PTPRG: variants seen among roughly 807,000 people sequenced by gnomAD.
The protein encoded by PTPRG is protein tyrosine phosphatase receptor type G, also known as receptor-type tyrosine-protein phosphatase gamma.
Under a neutral mutation model 165.3 loss-of-function variants are expected in PTPRG, and 102 were observed. That is an observed-to-expected ratio of 0.62 (90% CI 0.53 to 0.73). The LOEUF is 0.73. Among genes scored for constraint, PTPRG ranks in the 30% least tolerant of loss-of-function variants. The probability of loss-of-function intolerance (pLI) is 0.00; values close to 1 mark genes in which losing one functional copy is unlikely to be tolerated. For missense variants in PTPRG, 1,866 were observed against 1,861.4 expected (o/e 1.00, Z -0.05); for synonymous variants, 675 against 669.5 (o/e 1.01, Z -0.13).
At chr3:61,909,065 TG>T (rs1324636879) in intron 2 of PTPRG, among the ~76,000 whole-genome samples, 1 of 152,230 alleles carries the variant, frequency 6.6e-6, no homozygotes, top group African/African-American at 2.4e-5. Context: ...TTCTGATAAC[TG>T]GGTACTTTTA....
intron 9 of PTPRG, among the ~76,000 whole-genome samples, chr3:62,193,618 C>A (rs941545623): frequency 6.6e-6 from 1 of 152,244 alleles, no homozygotes; most frequent in African/African-American, 2.4e-5. Context: ...TCACCACAAA[C>A]CTGTGGGCAG....
chr3:61,961,409 C>A (rs750088517), intron 2 of PTPRG, among the ~76,000 whole-genome samples: 1 of 152,128 alleles, frequency 6.6e-6, no homozygotes, highest in Non-Finnish European at 1.5e-5. Flanking sequence ...TCTTAAAATT[C>A]GGACTTAATT....
rs550732272 is a variant in PTPRG at position 62,035,505 on chromosome 3, C to T, written c.519+32008C>T. 3.3e-5 allele frequency among the ~76,000 whole-genome samples: 5 copies of T among 152,248 alleles called. No homozygotes were observed. In the East Asian group the frequency reaches 9.7e-4, roughly 29 times the overall value. ...TTTTCTCATTTATTTGCTTTTGGTC[C>T]TGTCTTCACTATCTCCTATTTAAGA... On this transcript the variant is annotated intron_variant, in intron 4 of 29. Coordinates refer to ENST00000474889, the MANE Select transcript of PTPRG (RefSeq NM_002841.4).
intron 2 of PTPRG, among the ~76,000 whole-genome samples, chr3:61,897,063 C>T (rs1192976307): frequency 1.3e-5 from 2 of 151,590 alleles, no homozygotes; most frequent in Non-Finnish European, 2.9e-5. Flanking sequence ...TATGAGCTTT[C>T]TTGGCAGAAA....
intron 5 of PTPRG, among the ~76,000 whole-genome samples, chr3:62,105,715 T>A (rs1245167825): frequency 6.6e-6 from 1 of 152,210 alleles, no homozygotes; most frequent in African/African-American, 2.4e-5. Flanking sequence ...TCTGGGCAGT[T>A]GAGGTTCTAC....
At chr3:62,074,267 A>G (rs1701305166) in intron 4 of PTPRG, among the ~76,000 whole-genome samples, 1 of 151,494 alleles carries the variant, frequency 6.6e-6, no homozygotes, top group African/African-American at 2.4e-5. Context: ...TACTGGGTAA[A>G]GGAGATAGGG....
chr3:61,985,310 C>A (rs2040732512), intron 2 of PTPRG, among the ~76,000 whole-genome samples: 1 of 152,158 alleles, frequency 6.6e-6, no homozygotes, highest in Non-Finnish European at 1.5e-5. Flanking sequence ...CCTCCTCTCC[C>A]TTTGCATGCC....
rs150520574 is a variant in PTPRG at position 62,192,712 on chromosome 3, A to C, written c.1218+1059A>C. On this transcript the variant is annotated intron_variant, in intron 9 of 29. Coordinates refer to ENST00000474889, the MANE Select transcript of PTPRG (RefSeq NM_002841.4). Reference sequence around the variant, plus strand: ...AGGCGTGAGCCACTGCGCCCAGCCTACAACTTCTGTCTTTAAGTCTTTGCC... The same window carrying C: ...AGGCGTGAGCCACTGCGCCCAGCCTCCAACTTCTGTCTTTAAGTCTTTGCC... Among the ~76,000 whole-genome samples the C allele has an allele frequency of 9.2e-3, 1,404 of 152,196 alleles. 6 individuals are homozygous for C. The highest frequency in any genetic ancestry group is 0.031 in the Middle Eastern group (9 of 294).
intron 18 of PTPRG, 60 bp downstream of exon 18, chr3:62,267,552 G>C: frequency 6.5e-7 from 1 of 1,538,340 alleles, no homozygotes; most frequent in Non-Finnish European, 8.9e-7. Context: ...AGCAGAAACT[G>C]TTTAATATAT....
At chr3:61,728,609 G>T (rs1193648831) in intron 1 of PTPRG, among the ~76,000 whole-genome samples, 1 of 151,912 alleles carries the variant, frequency 6.6e-6, no homozygotes, top group Non-Finnish European at 1.5e-5. Context: ...AAAAGAAAAA[G>T]ATTTAAAAAT....
At chr3:61,736,569 G>A (rs559152876) in intron 1 of PTPRG, among the ~76,000 whole-genome samples, 16 of 152,028 alleles carry the variant, frequency 1.1e-4, no homozygotes, top group African/African-American at 3.1e-4. Context: ...CTAAAAACAC[G>A]TTCATTAGGC....
intron 12 of PTPRG, among the ~76,000 whole-genome samples, chr3:62,206,959 C>G (rs1341855413): frequency 7.4e-6 from 1 of 135,176 alleles, no homozygotes; most frequent in Non-Finnish European, 1.6e-5. Flanking sequence ...CCTCCTGAAA[C>G]TCAACACTGG....
intron 5 of PTPRG, among the ~76,000 whole-genome samples, chr3:62,126,050 A>C (rs954850706): frequency 6.6e-6 from 1 of 152,162 alleles, no homozygotes; most frequent in African/African-American, 2.4e-5. Flanking sequence ...GAGAGAATCC[A>C]AAGTTTGATC....
Position 62,269,043 on chromosome 3 carries a change from T to G in PTPRG, c.2883T>G (p.Cys961Trp). ...CTTTTTTCTTTCTGCAGCGAAAATG[T>G]GATCAGTATTGGCCAACAGAGAACA... ...TNLVEKGRRK[C>W]DQYWPTENSE... The change falls in exon 20 of 30, where the codon TGT (cysteine) becomes TGG (tryptophan). Residue 961 changes from cysteine (C) to tryptophan (W), a missense_variant. Cys to Trp is a radical substitution (Grantham distance 215). Around this residue, in one of 3 missense-constraint regions of PTPRG, gnomAD observed 1,452 missense variants for 1,463.0 expected, o/e 0.99. Transcript: ENST00000474889. 6.4e-7 allele frequency: 1 copy of G among 1,551,290 alleles called. No homozygotes were observed. Among genetic ancestry groups the G allele is most frequent in the South Asian group, 1.2e-5 (1 of 80,386 alleles).
At position 61,571,740 on chromosome 3, in the gene PTPRG, G is replaced by A. The variant is rs182348364; in HGVS notation, c.85+9368G>A. Reference sequence around the variant, plus strand: ...GAATATGGTTACTTTGTAGTAATGCGGTATTTTTACTGTCCCATGTATATC... The same window carrying A: ...GAATATGGTTACTTTGTAGTAATGCAGTATTTTTACTGTCCCATGTATATC... On this transcript the variant is annotated intron_variant, in intron 1 of 29. Coordinates refer to ENST00000474889, the MANE Select transcript of PTPRG (RefSeq NM_002841.4). 1.1e-4 allele frequency among the ~76,000 whole-genome samples: 16 copies of A among 152,198 alleles called. No individual in the cohort carries two copies. The South Asian group carries it at 2.9e-3, about 28-fold the overall frequency.
intron 1 of PTPRG, among the ~76,000 whole-genome samples, chr3:61,564,718 CAG>C (rs1366623157): frequency 2.6e-5 from 4 of 152,182 alleles, no homozygotes; most frequent in Admixed American, 1.3e-4. Flanking sequence ...CGCTGGACCT[CAG>C]GGGGCGCCCC....
In PTPRG at chr3:62,027,768, A is replaced by AT. The variant is rs1268711507; in HGVS notation, c.519+24278dup. ...AAAAACGTGCCCCAGAGCCAGTGTG[A>AT]TTTTTTTAAAAAAAGGATTTGCTAA... is the stretch of plus-strand genomic sequence containing the variant. On this transcript the variant is annotated intron_variant, in intron 4 of 29. Transcript: ENST00000474889. 2.6e-5 allele frequency among the ~76,000 whole-genome samples: 4 copies of AT among 152,222 alleles called. No individual in the cohort carries two copies. The East Asian group carries it at 7.7e-4, about 29-fold the overall frequency.
chr3:62,179,085 G>T (rs1200621036), intron 8 of PTPRG, among the ~76,000 whole-genome samples: 2 of 152,158 alleles, frequency 1.3e-5, no homozygotes, highest in Non-Finnish European at 2.9e-5. Context: ...ACAAACACGG[G>T]TTGGTTGAAG....
chr3:61,696,227 C>T (rs532410789), intron 1 of PTPRG, among the ~76,000 whole-genome samples: 1 of 152,260 alleles, frequency 6.6e-6, no homozygotes, highest in East Asian at 1.9e-4. Context: ...CCAGGCCGGG[C>T]GCGGTGACTC....
Sources: gnomAD v4.1 joint callset for allele counts (sites outside exome capture counted in the v4.1 genomes callset) on GRCh38, gnomAD v4.1.1 for gene constraint, gnomAD v4.1.1 regional missense constraint, MANE v1.5 for transcripts, NCBI Gene and HGNC (gene_info 2026-07-23, HGNC 2026-07-21) for gene names.